Variants in RBFOX1 observed in about 807,000 individuals in gnomAD.
RBFOX1 encodes the protein RNA binding protein fox-1 homolog 1.
Under a neutral mutation model 57.7 loss-of-function variants are expected in RBFOX1, and 8 were observed. The observed-to-expected ratio is 0.14, with a 90% CI of 0.08 to 0.25. RBFOX1 has a LOEUF of 0.25. Among genes scored for constraint, RBFOX1 ranks in the 10% least tolerant of loss-of-function variants. The pLI, the probability that RBFOX1 is intolerant of heterozygous loss-of-function variation, is 1.00. For missense variants in RBFOX1, 611 were observed against 548.5 expected (o/e 1.11, Z -1.14); for synonymous variants, 326 against 222.4 (o/e 1.47, Z -4.15).
intron 2 of RBFOX1, among the ~76,000 whole-genome samples, chr16:6,595,204 C>T (rs1043233165): frequency 7.2e-5 from 11 of 152,164 alleles, no homozygotes; most frequent in Non-Finnish European, 2.9e-5. Context: ...TTAGTACTCA[C>T]ACCCTGTACA....
chr16:5,818,210 C>G (rs897185667), intron 3 of RBFOX1, among the ~76,000 whole-genome samples: 2 of 152,176 alleles, frequency 1.3e-5, no homozygotes, highest in African/African-American at 2.4e-5. Flanking sequence ...GTTTCTGTAT[C>G]TGACTCAATG....
intron 10 of RBFOX1, among the ~76,000 whole-genome samples, chr16:7,614,002 A>G (rs540089947): frequency 2.0e-5 from 3 of 152,294 alleles, no homozygotes; most frequent in Non-Finnish European, 4.4e-5. Context: ...GTGGGTTTAC[A>G]AGGTAACTGT....
chr16:6,451,967 C>G (rs2094636840), intron 2 of RBFOX1, among the ~76,000 whole-genome samples: 1 of 149,340 alleles, frequency 6.7e-6, no homozygotes, highest in African/African-American at 2.5e-5. Flanking sequence ...CATGGCTCTC[C>G]TTCCTTCCAT....
chr16:6,213,748 C>T (rs2097313496), intron 1 of RBFOX1, among the ~76,000 whole-genome samples: 1 of 152,230 alleles, frequency 6.6e-6, no homozygotes, highest in African/African-American at 2.4e-5. Context: ...CCCTCTCCAT[C>T]CCTTTGTCTA....
chr16:6,452,904 C>T (rs2094668174), intron 2 of RBFOX1, among the ~76,000 whole-genome samples: 1 of 152,194 alleles, frequency 6.6e-6, no homozygotes. Context: ...TAGCACACAG[C>T]TTTGCACCTA....
chr16:7,553,744 C>T (rs553830487), intron 5 of RBFOX1, among the ~76,000 whole-genome samples: 1 of 152,302 alleles, frequency 6.6e-6, no homozygotes, highest in East Asian at 1.9e-4. Context: ...TGACTCAGTC[C>T]ATATGTTAGG....
At chr16:7,463,004 T>C (rs1046504752) in intron 4 of RBFOX1, among the ~76,000 whole-genome samples, 1 of 152,184 alleles carries the variant, frequency 6.6e-6, no homozygotes, top group South Asian at 2.1e-4. Flanking sequence ...TTAGCCTGCT[T>C]GGGCTGCCAT....
intron 4 of RBFOX1, among the ~76,000 whole-genome samples, chr16:7,090,921 G>C (rs2060736004): frequency 6.6e-6 from 1 of 152,102 alleles, no homozygotes; most frequent in African/African-American, 2.4e-5. Context: ...CTGCTCTCCT[G>C]TGGTTATTTA....
At chr16:5,647,684 A>C (rs1227559039) in intron 3 of RBFOX1, among the ~76,000 whole-genome samples, 1 of 152,174 alleles carries the variant, frequency 6.6e-6, no homozygotes, top group East Asian at 1.9e-4. Context: ...AAGAAGAACT[A>C]ATCCGTAGCT....
At chr16:5,770,708 T>C (rs1034636025) in intron 3 of RBFOX1, among the ~76,000 whole-genome samples, 1 of 152,064 alleles carries the variant, frequency 6.6e-6, no homozygotes, top group Non-Finnish European at 1.5e-5. Context: ...GCCTCAGTTT[T>C]GGTGCTCGCC....
At chr16:5,923,815 A>G (rs2058885565) in intron 4 of RBFOX1, among the ~76,000 whole-genome samples, 1 of 152,028 alleles carries the variant, frequency 6.6e-6, no homozygotes, top group African/African-American at 2.4e-5. Flanking sequence ...TGCTGGGATT[A>G]CAGGTGTGAG....
chr16:6,790,087 T>A (rs1253817199), intron 3 of RBFOX1, among the ~76,000 whole-genome samples: 2 of 149,898 alleles, frequency 1.3e-5, no homozygotes, highest in Non-Finnish European at 3.0e-5. Context: ...TATTTTTCTA[T>A]TATATTGAAA....
At chr16:5,310,478 C>G (rs543738993) in intron 1 of RBFOX1, among the ~76,000 whole-genome samples, 5 of 152,160 alleles carry the variant, frequency 3.3e-5, no homozygotes, top group African/African-American at 9.6e-5. Context: ...GTATAGTGAA[C>G]TCAGGCACAG....
chr16:6,134,362 A>G (rs925892867), intron 1 of RBFOX1, among the ~76,000 whole-genome samples: 1 of 152,214 alleles, frequency 6.6e-6, no homozygotes, highest in Non-Finnish European at 1.5e-5. Flanking sequence ...GTCTGGTTTC[A>G]GTGTAATCTT....
At chr16:7,140,922 A>G (rs959811762) in intron 4 of RBFOX1, among the ~76,000 whole-genome samples, 1 of 152,162 alleles carries the variant, frequency 6.6e-6, no homozygotes, top group African/African-American at 2.4e-5. Flanking sequence ...GGATTCAAGC[A>G]TGGTTTCTAA....
intron 2 of RBFOX1, among the ~76,000 whole-genome samples, chr16:6,650,957 C>G (rs376448463): frequency 2.1e-4 from 32 of 152,274 alleles, no homozygotes; most frequent in African/African-American, 7.5e-4. Flanking sequence ...GGCTGAAGTG[C>G]AATGGCATGA....
At chr16:5,502,706 C>G (rs185429047) in intron 2 of RBFOX1, among the ~76,000 whole-genome samples, 596 of 152,280 alleles carry the variant, frequency 3.9e-3, no homozygotes, top group Non-Finnish European at 6.6e-3. Flanking sequence ...ACAGAATCCT[C>G]TATTGAGTTA....
At chr16:5,622,124 C>G (rs1270947918) in intron 3 of RBFOX1, among the ~76,000 whole-genome samples, 1 of 152,170 alleles carries the variant, frequency 6.6e-6, no homozygotes, top group Non-Finnish European at 1.5e-5. Context: ...ATCACATTTT[C>G]CCCAACGTTC....
intron 3 of RBFOX1, among the ~76,000 whole-genome samples, chr16:5,808,526 C>T (rs377090817): frequency 3.6e-4 from 55 of 152,248 alleles, no homozygotes; most frequent in African/African-American, 1.1e-3. Flanking sequence ...GCCATTTTCA[C>T]GATATTGATT....
Sources: allele counts gnomAD v4.1 joint callset (sites outside exome capture counted in the v4.1 genomes callset), GRCh38; gene constraint gnomAD v4.1.1; transcripts MANE v1.5; gene names NCBI Gene and HGNC (gene_info 2026-07-23, HGNC 2026-07-21).